The following ACAN variants were observed in gnomAD, a reference collection of about 807,000 sequenced individuals.
ACAN encodes the protein aggrecan.
ACAN carries 47 observed loss-of-function variants against 169.1 expected under a neutral mutation model. The ratio of observed to expected loss-of-function variants is 0.28; its 90% CI spans 0.22 to 0.35. The LOEUF is 0.35. Ranked by LOEUF, ACAN falls within the 10% of genes least tolerant of loss-of-function variation. The pLI is 1.00. For synonymous variants in ACAN, 1,115 were observed against 1,112.2 expected, an observed-to-expected ratio of 1.00 and a Z score of -0.05; for missense variants, 2,716 against 2,759.9, an observed-to-expected ratio of 0.98 and a Z score of 0.36.
At chr15:88,806,537 A>G (rs560371165) in intron 1 of ACAN, among the ~76,000 whole-genome samples, 1 of 152,184 alleles carries the variant, frequency 6.6e-6, no homozygotes, top group South Asian at 2.1e-4. Flanking sequence ...TGTAGTACAG[A>G]CGAGATTTCA....
rs1207712110 is a variant in ACAN at position 88,872,798 on chromosome 15, A to AG, written c.7303-81dup. The AG allele has an allele frequency of 6.8e-7, 1 of 1,478,582 alleles. No individual in the cohort carries two copies. Among genetic ancestry groups the AG allele is most frequent in the African/African-American group, 1.4e-5 (1 of 71,296 alleles). 91.6% of individuals were successfully genotyped at this position (1,478,582 alleles called of 1,614,324 possible). On this transcript the variant is annotated intron_variant, in intron 16 of 18. Coordinates refer to ENST00000560601, the MANE Select transcript of ACAN (RefSeq NM_001369268.1). This position sits in a 1 kb window ranked among gnomAD's most constrained non-coding sequence, Gnocchi z 5.4. ...CTAAAAGAGAAAGGAGATGATGAAG[A>AG]GGCTCCACGGGGAAGACAGTCGGAG...
intron 1 of ACAN, among the ~76,000 whole-genome samples, chr15:88,812,368 G>T (rs1367628248): frequency 6.6e-6 from 1 of 152,172 alleles, no homozygotes; most frequent in East Asian, 1.9e-4. Flanking sequence ...ATTGATCAAG[G>T]TTATTTGCAT....
chr15:88,810,331 G>A (rs1409125835), intron 1 of ACAN, among the ~76,000 whole-genome samples: 2 of 151,998 alleles, frequency 1.3e-5, no homozygotes, highest in Non-Finnish European at 2.9e-5. Context: ...CCATGTCCTC[G>A]CTGTTTCCAG....
At chr15:88,847,441 C>A (rs1896823614) in intron 8 of ACAN, 24 bp downstream of exon 8, 4 of 1,534,604 alleles carry the variant, frequency 2.6e-6, no homozygotes, top group East Asian at 4.8e-5. Context: ...CCTCGCCCAG[C>A]CCAAACCCAA....
At chr15:88,810,357 G>GT (rs530857221) in intron 1 of ACAN, among the ~76,000 whole-genome samples, 3 of 150,622 alleles carry the variant, frequency 2.0e-5, no homozygotes, top group Non-Finnish European at 3.0e-5. Flanking sequence ...ATTTTGGGGG[G>GT]AAAAAAAAAC....
At position 88,872,099 on chromosome 15, in the gene ACAN, T is replaced by G; in HGVS notation, c.7302+14T>G. ...GGACACCCCATGGTGAGTTCTGCTG[T>G]AGGCACAGCTGGTGGCCCAGGGGAC... On this transcript the variant is annotated intron_variant, in intron 16 of 18. Transcript: ENST00000560601. The surrounding 1 kb of genome is among the most constrained non-coding windows in gnomAD (Gnocchi z 5.4). The G allele has an allele frequency of 1.2e-6, 2 of 1,611,848 alleles. No individual in the cohort carries two copies. The highest frequency in any genetic ancestry group is 1.7e-6 in the Non-Finnish European group (2 of 1,178,180).
chr15:88,836,130 G>A (rs1896496797), intron 1 of ACAN, 70 bp from the exon 2 acceptor site: 2 of 1,105,796 alleles, frequency 1.8e-6, no homozygotes, highest in Non-Finnish European at 2.7e-6. Flanking sequence ...TGCATCATAT[G>A]TCACATGACT....
In ACAN at chr15:88,838,739, C is replaced by T; in HGVS notation, c.147C>T (p.Ile49=). ...LRVLLGTSLT[I]PCYFIDPMHP... ...TCCTCCTGGGGACCTCCCTCACCAT[C>T]CCCTGCTATTTCATCGACCCCATGC... The change falls in exon 3 of 19, where the codon ATC becomes ATT. Residue 49 remains isoleucine, a synonymous_variant. Coordinates refer to ENST00000560601, the MANE Select transcript of ACAN (RefSeq NM_001369268.1). The surrounding 1 kb of genome is among the most constrained non-coding windows in gnomAD (Gnocchi z 5.1). The T allele has an allele frequency of 6.2e-7, 1 of 1,613,048 alleles. No individual in the cohort carries two copies. The highest frequency in any genetic ancestry group is 1.1e-5 in the South Asian group (1 of 91,052).
At chr15:88,806,272 A>G (rs1895680053) in intron 1 of ACAN, among the ~76,000 whole-genome samples, 1 of 152,192 alleles carries the variant, frequency 6.6e-6, no homozygotes, top group South Asian at 2.1e-4. Flanking sequence ...CTTGTGGGTC[A>G]CAAACCCCAA....
At chr15:88,822,507 C>G (rs377164753) in intron 1 of ACAN, among the ~76,000 whole-genome samples, 309 of 151,716 alleles carry the variant, frequency 2.0e-3, no homozygotes, top group African/African-American at 6.7e-3. Context: ...GCTCTTGTTG[C>G]CCAGGCTGGA....
rs1255758183 is a variant in ACAN, at chr15:88,843,179, CA to C, written c.758-172del. Among the ~76,000 whole-genome samples the C allele has an allele frequency of 1.3e-5, 2 of 152,148 alleles. No individual in the cohort carries two copies. Among genetic ancestry groups the C allele is most frequent in the African/African-American group, 4.8e-5 (2 of 41,428 alleles). Reference sequence around the variant, plus strand: ...TTTAGGAAATTGATGTCATCCTACACAAAAGCCCAGAAATAAGCAATGAAGG... The same window carrying C: ...TTTAGGAAATTGATGTCATCCTACACAAAGCCCAGAAATAAGCAATGAAGG... On this transcript the variant is annotated intron_variant, in intron 5 of 18. Coordinates refer to ENST00000560601, the MANE Select transcript of ACAN (RefSeq NM_001369268.1). The surrounding 1 kb of genome is among the most constrained non-coding windows in gnomAD (Gnocchi z 4.0).
At position 88,807,187 on chromosome 15, in the gene ACAN, G is replaced by A. The variant is rs562924063; in HGVS notation, c.-8+3378G>A. On this transcript the variant is annotated intron_variant, in intron 1 of 18. Transcript: ENST00000560601. The surrounding 1 kb of genome is among the most constrained non-coding windows in gnomAD (Gnocchi z 4.0). ...CAGCTGAGGTGGAAGCTGGAGTTGG[G>A]GAAAGGCAAGTTCAAGGAAGAGGAC... Among the ~76,000 whole-genome samples the A allele has an allele frequency of 6.6e-6, 1 of 152,256 alleles. No homozygotes were observed. The highest frequency in any genetic ancestry group is 2.1e-4 in the South Asian group (1 of 4,816).
chr15:88,854,553 C>G (rs1296724708), intron 11 of ACAN, among the ~76,000 whole-genome samples: 1 of 152,168 alleles, frequency 6.6e-6, no homozygotes, highest in African/African-American at 2.4e-5. Context: ...CAAAGTACAA[C>G]CTGTGTAGCC....
rs373754787 is a variant in ACAN at position 88,860,313 on chromosome 15, C to G, written c.6833-13C>G. 8 of 1,592,562 alleles carry G rather than the reference C, an allele frequency of 5.0e-6. No individual in the cohort carries two copies. The African/African-American group carries it at 1.1e-4, about 21-fold the overall frequency. On this transcript the variant is annotated splice_polypyrimidine_tract_variant and intron_variant, in intron 12 of 18. Coordinates refer to ENST00000560601, the MANE Select transcript of ACAN (RefSeq NM_001369268.1). Reference sequence around the variant, plus strand: ...GTGTTCTTGATGCTCAACCTCTCCCCTGGGGGTTGCAGCCCCCGCCAGGTC... The same window carrying G: ...GTGTTCTTGATGCTCAACCTCTCCCGTGGGGGTTGCAGCCCCCGCCAGGTC...
intron 1 of ACAN, among the ~76,000 whole-genome samples, chr15:88,806,772 T>C (rs1214889632): frequency 6.6e-6 from 1 of 152,160 alleles, no homozygotes. Flanking sequence ...GAGTCCCACT[T>C]TGAGTCTGTC....
intron 7 of ACAN, 112 bp downstream of exon 7, chr15:88,845,994 C>G: frequency 8.4e-7 from 1 of 1,196,040 alleles, no homozygotes; most frequent in Non-Finnish European, 1.1e-6. Context: ...GCACGTGGGA[C>G]AATGTTCTCT....
chr15:88,843,682 TG>T lies in ACAN; in HGVS notation c.1051+35del, dbSNP rs753136883. 1 of 1,537,800 alleles carries T rather than the reference TG, an allele frequency of 6.5e-7. No individual in the cohort carries two copies. The highest frequency in any genetic ancestry group is 8.8e-7 in the Non-Finnish European group (1 of 1,136,106). ...CGGCTGGTGGTGGGAAGGGAGTTCATGCCACTAAAATGGGGTCCTAGAGGGA... is the reference window on the plus strand; with the variant it reads ...CGGCTGGTGGTGGGAAGGGAGTTCATCCACTAAAATGGGGTCCTAGAGGGA... On this transcript the variant is annotated intron_variant, in intron 6 of 18. Coordinates refer to ENST00000560601, the MANE Select transcript of ACAN (RefSeq NM_001369268.1). The surrounding 1 kb of genome is among the most constrained non-coding windows in gnomAD (Gnocchi z 4.0).
rs1392683128 is a variant in ACAN at position 88,858,847 on chromosome 15, G to A, written c.6262G>A (p.Gly2088Arg). 1.9e-6 allele frequency: 3 copies of A among 1,613,380 alleles called. No individual in the cohort carries two copies. Among genetic ancestry groups the A allele is most frequent in the Non-Finnish European group, 2.5e-6 (3 of 1,179,678 alleles). ...DISGATPVLP[G>R]SGVEVSSVPE... ...TAGTGGAGCTACCCCAGTGCTCCCT[G>A]GGTCTGGAGTAGAAGTATCATCAGT... The change falls in exon 12 of 19, where the codon GGG becomes AGG. Residue 2088 changes from glycine to arginine, a missense_variant. By Grantham distance (125) the Gly-to-Arg change is moderately radical (BLOSUM62 -2). Transcript: ENST00000560601. This position sits in a 1 kb window ranked among gnomAD's most constrained non-coding sequence, Gnocchi z 4.0.
intron 1 of ACAN, among the ~76,000 whole-genome samples, chr15:88,808,374 A>G (rs1293851493): frequency 6.6e-6 from 1 of 152,186 alleles, no homozygotes; most frequent in Non-Finnish European, 1.5e-5. Context: ...TCATTCATTC[A>G]TTCTTTCAGC....
Sources: gnomAD v4.1 joint callset for allele counts (sites outside exome capture counted in the v4.1 genomes callset) on GRCh38, gnomAD v4.1.1 for gene constraint, Gnocchi (gnomAD v3.1) non-coding constraint, MANE v1.5 for transcripts, NCBI Gene and HGNC (gene_info 2026-07-23, HGNC 2026-07-21) for gene names.